The following PLEKHO2 variants were observed in gnomAD, a reference collection of about 807,000 sequenced individuals.
The protein encoded by PLEKHO2 is pleckstrin homology domain containing O2.
In PLEKHO2, 20 loss-of-function variants were observed where a neutral mutation model predicts 32.7. That is an observed-to-expected ratio of 0.61 (90% confidence interval 0.43 to 0.89). The LOEUF (loss-of-function observed/expected upper bound fraction) is 0.89, where lower values mean the gene tolerates loss of function less well. Ranked by LOEUF, PLEKHO2 falls within the 40% of genes least tolerant of loss-of-function variation. The pLI, the probability that PLEKHO2 is intolerant of heterozygous loss-of-function variation, is 0.00. For synonymous variants in PLEKHO2, 247 were observed against 246.3 expected (o/e 1.00, Z -0.03); for missense variants, 568 against 621.2 (o/e 0.91, Z 0.91).
intron 3 of PLEKHO2, among the ~76,000 whole-genome samples, chr15:64,856,007 G>A (rs1285268226): frequency 6.6e-6 from 1 of 152,104 alleles, no homozygotes; most frequent in African/African-American, 2.4e-5. Context: ...GGGCGCAGAA[G>A]CAACCAAGAT....
chr15:64,847,992 G>A (rs368632593), intron 1 of PLEKHO2, among the ~76,000 whole-genome samples: 18 of 152,320 alleles, frequency 1.2e-4, no homozygotes, highest in Middle Eastern at 3.4e-3. Flanking sequence ...CTGTCCTCTC[G>A]CTGCCCTTTG....
intron 1 of PLEKHO2, 88 bp downstream of exon 1, chr15:64,842,116 C>G: frequency 8.9e-7 from 1 of 1,125,844 alleles, no homozygotes; most frequent in Non-Finnish European, 1.1e-6. Flanking sequence ...CTCGTTCCTG[C>G]CCGCCCCACT....
At chr15:64,850,642 G>T (rs2140339995) in intron 2 of PLEKHO2, among the ~76,000 whole-genome samples, 1 of 152,246 alleles carries the variant, frequency 6.6e-6, no homozygotes, top group Non-Finnish European at 1.5e-5. Context: ...CAAGCTGCTG[G>T]TTGCAACTTC....
intron 3 of PLEKHO2, among the ~76,000 whole-genome samples, chr15:64,857,328 A>G (rs1214606400): frequency 6.6e-6 from 1 of 152,066 alleles, no homozygotes; most frequent in African/African-American, 2.4e-5. Context: ...GGGGAGAGGC[A>G]CAGCTTCTTG....
At position 64,865,194 on chromosome 15, in the gene PLEKHO2, A is replaced by G. The variant is rs1203476381; in HGVS notation, c.779A>G (p.Gln260Arg). 1.2e-6 allele frequency: 2 copies of G among 1,614,178 alleles called. No homozygotes were observed. The highest frequency in any genetic ancestry group is 8.5e-7 in the Non-Finnish European group (1 of 1,180,024). ...TPAEEDSGSE[Q>R]PPNSVLPDKL... ...GCAGAGGAGGACAGTGGCTCTGAGC[A>G]GCCTCCCAACAGCGTCCTGCCTGAC... The change falls in exon 6 of 6, where the codon CAG becomes CGG. Residue 260 changes from glutamine (Q) to arginine (R), a missense_variant. Gln to Arg is a conservative substitution (Grantham distance 43, BLOSUM62 1). Transcript: ENST00000323544.
Position 64,865,412 on chromosome 15 carries a change from C to T in PLEKHO2, c.997C>T (p.Pro333Ser). The T allele has an allele frequency of 6.2e-7, 1 of 1,613,854 alleles. No individual in the cohort carries two copies. Residue 333 changes from proline (P) to serine (S), a missense_variant, in exon 6 of 6, where the codon CCA becomes TCA. Transcript: ENST00000323544. ...CATGGGTGAGATGCAGGCTTCTGGG[C>T]CACCTGCTCCAGGCACAGTGCAGGT... The part of the protein sequence containing the change: ...ASMGEMQASG[P>S]PAPGTVQVSV...
chr15:64,851,450 C>T (rs1671343625), intron 2 of PLEKHO2, among the ~76,000 whole-genome samples: 1 of 152,076 alleles, frequency 6.6e-6, no homozygotes, highest in Non-Finnish European at 1.5e-5. Flanking sequence ...TGCTTTTTTC[C>T]CCTTGTTTGA....
At position 64,866,440 on chromosome 15, in the gene PLEKHO2, C is replaced by G. The variant is rs894724780; in HGVS notation, c.*552C>G. 2 of 455,124 alleles carry G rather than the reference C, an allele frequency of 4.4e-6. No individual in the cohort carries two copies. Among genetic ancestry groups the G allele is most frequent in the Admixed American group, 2.4e-5 (1 of 42,440 alleles). 28.2% of individuals were successfully genotyped at this position (455,124 alleles called of 1,614,324 possible). A position where few individuals can be genotyped will look rare whatever the true frequency, so the allele number is the denominator to read the frequency against. Reference sequence around the variant, plus strand: ...AGGTTCATCCCTCAGTTGGGGGGAACGTAGGACCCAGCTGGAGCCTCTTGA... The same window carrying G: ...AGGTTCATCCCTCAGTTGGGGGGAAGGTAGGACCCAGCTGGAGCCTCTTGA... On this transcript the variant is annotated 3_prime_UTR_variant, in exon 6 of 6. Coordinates refer to ENST00000323544, the MANE Select transcript of PLEKHO2 (RefSeq NM_025201.5).
intron 1 of PLEKHO2, 82 bp downstream of exon 1, chr15:64,842,110 T>C: frequency 8.6e-7 from 1 of 1,158,160 alleles, no homozygotes; most frequent in Non-Finnish European, 1.1e-6. Flanking sequence ...CAGGCCCTCG[T>C]TCCTGCCCGC....
Position 64,848,685 on chromosome 15 carries a change from C to G in PLEKHO2, c.105C>G (p.Phe35Leu). The change falls in exon 2 of 6, where the codon TTC becomes TTG. Residue 35 changes from phenylalanine (F) to leucine (L), a missense_variant. By Grantham distance (22) the Phe-to-Leu change is conservative (BLOSUM62 0). Coordinates refer to ENST00000323544, the MANE Select transcript of PLEKHO2 (RefSeq NM_025201.5). ...AGAGCAGTGGGGGCCTCCTGGGTTTCTGGAAAGACCGATATCTGCTCCTCT... is the reference window on the plus strand; with the variant it reads ...AGAGCAGTGGGGGCCTCCTGGGTTTGTGGAAAGACCGATATCTGCTCCTCT... Reference protein sequence around the residue: ...IKKSSGGLLGFWKDRYLLLCQ... With the variant: ...IKKSSGGLLGLWKDRYLLLCQ... The G allele has an allele frequency of 6.2e-7, 1 of 1,614,134 alleles. No homozygotes were observed. Among genetic ancestry groups the G allele is most frequent in the Non-Finnish European group, 8.5e-7 (1 of 1,180,024 alleles).
intron 2 of PLEKHO2, among the ~76,000 whole-genome samples, chr15:64,850,385 G>A (rs1025047743): frequency 1.3e-5 from 2 of 152,142 alleles, no homozygotes; most frequent in African/African-American, 4.8e-5. Context: ...ACCAAGAGAC[G>A]CCAGCAAGTA....
At position 64,866,800 on chromosome 15, in the gene PLEKHO2, A is replaced by T. The variant is rs28675704; in HGVS notation, c.*912A>T. On this transcript the variant is annotated 3_prime_UTR_variant, in exon 6 of 6. Transcript: ENST00000323544. ...CCCACCAACTTCTGTGCCTCCTCAG[A>T]TGGGGATTTATCTGGATCTCTGTGG... The T allele has an allele frequency of 0.092, 14,361 of 156,648 alleles. 2,329 individuals carry two copies. The highest frequency in any genetic ancestry group is 0.33 in the African/African-American group (13,646 of 41,440). The allele number at this position is 156,648 out of a possible 1,614,324, so 9.7% of individuals were successfully genotyped here. A position where few individuals can be genotyped will look rare whatever the true frequency, so the allele number is the denominator to read the frequency against.
intron 1 of PLEKHO2, among the ~76,000 whole-genome samples, chr15:64,842,483 C>G (rs1476265404): frequency 2.7e-5 from 4 of 149,428 alleles, no homozygotes; most frequent in Non-Finnish European, 5.9e-5. Flanking sequence ...TCTCAAGGAT[C>G]GGATCCTGAC....
At chr15:64,864,324 A>G (rs1719277) in intron 5 of PLEKHO2, among the ~76,000 whole-genome samples, 107,437 of 152,004 alleles carry the variant, frequency 0.71, 38,801 homozygotes, top group East Asian at 0.93. Flanking sequence ...ACAGGCTGCC[A>G]AGCAGCTGGA....
chr15:64,852,990 T>A (rs922932056), intron 2 of PLEKHO2, among the ~76,000 whole-genome samples: 1 of 151,176 alleles, frequency 6.6e-6, no homozygotes, highest in Non-Finnish European at 1.5e-5. Flanking sequence ...TCTACAAAAA[T>A]TAGCCGGGCG....
chr15:64,846,990 C>T (rs1036507433), intron 1 of PLEKHO2, among the ~76,000 whole-genome samples: 11 of 152,330 alleles, frequency 7.2e-5, no homozygotes, highest in African/African-American at 2.2e-4. Flanking sequence ...ATCCTGCCCT[C>T]GTGGAGTTGG....
At chr15:64,859,826 C>T in intron 3 of PLEKHO2, 68 bp from the exon 4 acceptor site, 4 of 1,353,632 alleles carry the variant, frequency 3.0e-6, no homozygotes, top group Admixed American at 1.7e-5. Context: ...GGTAAGGAAG[C>T]CTCCTTAAGA....
intron 2 of PLEKHO2, among the ~76,000 whole-genome samples, chr15:64,852,151 G>A (rs576150960): frequency 6.6e-6 from 1 of 152,306 alleles, no homozygotes; most frequent in East Asian, 1.9e-4. Context: ...CTCATAGGGT[G>A]TCTGCATCTT....
chr15:64,842,245 T>G lies in PLEKHO2; in HGVS notation c.12+217T>G, dbSNP rs138260556. Among the ~76,000 whole-genome samples the G allele has an allele frequency of 6.2e-3, 945 of 152,350 alleles. 11 individuals are homozygous for G. Among genetic ancestry groups the G allele is most frequent in the African/African-American group, 0.02 (813 of 41,582 alleles). On this transcript the variant is annotated intron_variant, in intron 1 of 5. Transcript: ENST00000323544. Reference sequence around the variant, plus strand: ...CATTCTCGCTGACTTTCTCACCAGTTGTGGGGCGTCGTGGTTGTTACCGTT... The same window carrying G: ...CATTCTCGCTGACTTTCTCACCAGTGGTGGGGCGTCGTGGTTGTTACCGTT...
Sources: gnomAD v4.1 joint callset for allele counts (sites outside exome capture counted in the v4.1 genomes callset) on GRCh38, gnomAD v4.1.1 for gene constraint, MANE v1.5 for transcripts, NCBI Gene and HGNC (gene_info 2026-07-23, HGNC 2026-07-21) for gene names.